The following PNPLA7 variants were observed in gnomAD, a reference collection of about 807,000 sequenced individuals.
PNPLA7 encodes the protein patatin like domain 7, lysophospholipase.
In PNPLA7, 153 loss-of-function variants were observed where a neutral mutation model predicts 161.7. That is an observed-to-expected ratio of 0.95 (90% CI 0.83 to 1.08). The LOEUF is 1.08. Among genes scored for constraint, PNPLA7 ranks in the 50% least tolerant of loss-of-function variants. The probability of loss-of-function intolerance (pLI) is 0.00; values close to 1 mark genes in which losing one functional copy is unlikely to be tolerated. For synonymous variants in PNPLA7, 809 were observed against 782.1 expected, an observed-to-expected ratio of 1.03 and a Z score of -0.57; for missense variants, 1,739 against 1,856.6, an observed-to-expected ratio of 0.94 and a Z score of 1.16.
In PNPLA7 at chr9:137,521,983, A is replaced by C. The variant is rs142105019; in HGVS notation, c.877-267T>G. On this transcript the variant is annotated intron_variant, in intron 9 of 34. Transcript: ENST00000406427. ...AATCTAAAGTTACTCCAAAGTGAGA[A>C]GTTTAATAAAAATGTAAAAATCTCT... Among the ~76,000 whole-genome samples, 338 of 152,370 alleles carry C rather than the reference A, an allele frequency of 2.2e-3. 1 individual carries two copies. The highest frequency in any genetic ancestry group is 3.9e-3 in the Non-Finnish European group (266 of 68,026).
chr9:137,545,969 C>T lies in PNPLA7; in HGVS notation c.273+861G>A, dbSNP rs554810385. ...CAGGGGAGTTCAGAGATGACTCTAC[C>T]CCTCCACCTCCTGTGGAGGGCCTGA... On this transcript the variant is annotated intron_variant, in intron 4 of 34. Coordinates refer to ENST00000406427, the MANE Select transcript of PNPLA7 (RefSeq NM_001098537.3). Among the ~76,000 whole-genome samples, 875 of 152,148 alleles carry T rather than the reference C, an allele frequency of 5.8e-3. 5 individuals are homozygous for T. The highest frequency in any genetic ancestry group is 0.034 in the Middle Eastern group (10 of 294).
intron 14 of PNPLA7, among the ~76,000 whole-genome samples, chr9:137,502,635 C>T (rs1476300987): frequency 2.7e-5 from 1 of 37,722 alleles, no homozygotes; most frequent in Admixed American, 3.5e-4. Context: ...AGAAAGCGGC[C>T]TCCCTGAGGA....
Position 137,505,858 on chromosome 9 carries a change from C to T in PNPLA7, c.1327-98G>A, listed in dbSNP as rs78496587. 2.1e-3 allele frequency: 3,218 copies of T among 1,544,594 alleles called. 60 individuals are homozygous for T. In the African/African-American group the frequency reaches 0.038, roughly 18 times the overall value. ...TCTGAATCGCACAGTGCGGAAAGGC[C>T]GGCTGAGCCTCCTGAAGCTGCAGGT... On this transcript the variant is annotated intron_variant, in intron 13 of 34. Coordinates refer to ENST00000406427, the MANE Select transcript of PNPLA7 (RefSeq NM_001098537.3).
rs1833362107 is a variant in PNPLA7 at position 137,500,828 on chromosome 9, C to T, written c.1620G>A (p.Glu540=). 2 of 1,603,340 alleles carry T rather than the reference C, an allele frequency of 1.2e-6. No individual in the cohort carries two copies. Among genetic ancestry groups the T allele is most frequent in the Non-Finnish European group, 8.5e-7 (1 of 1,176,558 alleles). ...GGCGCGTGAGGAACAAGCAGGTGTC[C>T]TCCTGGCTGCCGATCTTCCGCTGGT... The part of the protein sequence containing the change: ...HVYQRKIGSQ[E]DTCLFLTRPG... Residue 540 remains glutamate, a synonymous_variant, in exon 16 of 35, where the codon GAG becomes GAA. Transcript: ENST00000406427. The surrounding 1 kb of genome is among the most constrained non-coding windows in gnomAD (Gnocchi z 5.5).
chr9:137,534,004 C>T, intron 8 of PNPLA7, among the ~76,000 whole-genome samples: 1 of 148,516 alleles, frequency 6.7e-6, no homozygotes, highest in East Asian at 2.1e-4. Context: ...GGGAGGACTC[C>T]CAGAATCCTC....
At chr9:137,546,448 A>C (rs928281131) in intron 4 of PNPLA7, among the ~76,000 whole-genome samples, 1 of 148,480 alleles carries the variant, frequency 6.7e-6, no homozygotes, top group Non-Finnish European at 1.5e-5. Context: ...TTATTTCTAC[A>C]CTCTCTCGTC....
At chr9:137,494,723 G>GCCCTCACCAGCTCCGCA (rs1832951450) in intron 19 of PNPLA7, among the ~76,000 whole-genome samples, 1 of 142,502 alleles carries the variant, frequency 7.0e-6, no homozygotes, top group Admixed American at 7.0e-5. Flanking sequence ...CCTGCTCTGC[G>GCCCTCACCAGCTCCGCA]CCCTCACCAG....
At chr9:137,526,518 C>T (rs1351464146) in intron 8 of PNPLA7, among the ~76,000 whole-genome samples, 1 of 152,130 alleles carries the variant, frequency 6.6e-6, no homozygotes, top group African/African-American at 2.4e-5. Context: ...ACCTCATGAT[C>T]CACCCGCCTC....
At chr9:137,542,855 T>A in intron 6 of PNPLA7, 54 bp from the exon 7 acceptor site, 1 of 1,559,364 alleles carries the variant, frequency 6.4e-7, no homozygotes, top group Non-Finnish European at 8.7e-7. Flanking sequence ...GAGGACGGCC[T>A]CTCCAAGAGT....
rs552217362 is a variant in PNPLA7, at chr9:137,490,186, G to A, written c.2197+2827C>T. 2.0e-5 allele frequency among the ~76,000 whole-genome samples: 3 copies of A among 152,308 alleles called. No individual in the cohort carries two copies. The highest frequency in any genetic ancestry group is 2.1e-4 in the South Asian group (1 of 4,824). ...ATAGCTCACTGTAACCTCGAACTCC[G>A]AGGCCCAAACGATCCTCCCACCTCA... On this transcript the variant is annotated intron_variant, in intron 20 of 34. Coordinates refer to ENST00000406427, the MANE Select transcript of PNPLA7 (RefSeq NM_001098537.3). The surrounding 1 kb of genome is among the most constrained non-coding windows in gnomAD (Gnocchi z 4.1).
rs145188532 is a variant in PNPLA7 at position 137,489,501 on chromosome 9, A to T, written c.2197+3512T>A. The stretch of plus-strand genomic sequence containing the variant: ...ATGGTGACCCAGTATGCCAAGAGCA[A>T]GGAGGATCTGAACCAGAGGAGTAAA... On this transcript the variant is annotated intron_variant, in intron 20 of 34. Transcript: ENST00000406427. 1.6e-4 allele frequency among the ~76,000 whole-genome samples: 24 copies of T among 150,836 alleles called. 1 individual carries two copies. In the East Asian group the frequency reaches 4.7e-3, roughly 29 times the overall value.
In PNPLA7 at chr9:137,547,727, C is replaced by G. The variant is rs1836617582; in HGVS notation, c.31-68G>C. ...CCCAGCCCGAACTTGTTCAGAGCAG[C>G]AGGAGGAGAGCTGGGAGTTAGGGGA... On this transcript the variant is annotated intron_variant, in intron 1 of 34. Transcript: ENST00000406427. This position sits in a 1 kb window ranked among gnomAD's most constrained non-coding sequence, Gnocchi z 4.6. 6.9e-7 allele frequency: 1 copy of G among 1,448,818 alleles called. No homozygotes were observed. The allele number at this position is 1,448,818 out of a possible 1,614,324, so 89.7% of individuals were successfully genotyped here.
chr9:137,496,241 G>A (rs1833052620), intron 18 of PNPLA7, among the ~76,000 whole-genome samples: 1 of 151,416 alleles, frequency 6.6e-6, no homozygotes, highest in Non-Finnish European at 1.5e-5. Context: ...CCGAGTAGCT[G>A]GGATTACAGG....
intron 11 of PNPLA7, among the ~76,000 whole-genome samples, chr9:137,517,982 A>C (rs1412511883): frequency 3.3e-5 from 2 of 59,944 alleles, no homozygotes; most frequent in East Asian, 5.3e-4. Flanking sequence ...TCCATCCCCC[A>C]CTCACTCACT....
At chr9:137,545,996 A>G (rs536117570) in intron 4 of PNPLA7, among the ~76,000 whole-genome samples, 1 of 152,168 alleles carries the variant, frequency 6.6e-6, no homozygotes, top group East Asian at 1.9e-4. Context: ...AGGGCCTGAC[A>G]TCAGTCAGGT....
At chr9:137,532,641 C>T (rs970132454) in intron 8 of PNPLA7, among the ~76,000 whole-genome samples, 1 of 152,160 alleles carries the variant, frequency 6.6e-6, no homozygotes, top group Admixed American at 6.6e-5. Context: ...GGAAAGCTGA[C>T]ACTTGGTTTT....
Position 137,500,970 on chromosome 9 carries a change from G to A in PNPLA7, c.1552-74C>T, listed in dbSNP as rs1326445930. ...ACGGGGGCAGCTCTGGGCCCAGAGC[G>A]GACGATGCCACCAGGCTCAGCCGGG... On this transcript the variant is annotated intron_variant, in intron 15 of 34. Transcript: ENST00000406427. The surrounding 1 kb of genome is among the most constrained non-coding windows in gnomAD (Gnocchi z 5.5). The A allele has an allele frequency of 2.2e-5, 30 of 1,365,196 alleles. No homozygotes were observed. Among genetic ancestry groups the A allele is most frequent in the Admixed American group, 1.9e-4 (9 of 46,970 alleles). The allele number at this position is 1,365,196 out of a possible 1,614,324, so 84.6% of individuals were successfully genotyped here.
intron 25 of PNPLA7, among the ~76,000 whole-genome samples, chr9:137,477,260 G>A (rs1831983323): frequency 6.6e-6 from 1 of 152,266 alleles, no homozygotes; most frequent in Non-Finnish European, 1.5e-5. Flanking sequence ...AAGTTCAGGA[G>A]AAGGTGGTGT....
chr9:137,497,436 TG>T (rs1160446187), intron 17 of PNPLA7, 126 bp from the exon 18 acceptor site: 5 of 962,578 alleles, frequency 5.2e-6, no homozygotes, highest in Non-Finnish European at 5.5e-6. Context: ...ATCTTATTTT[TG>T]TTTTGGAAAA....
Sources: allele counts gnomAD v4.1 joint callset (sites outside exome capture counted in the v4.1 genomes callset), GRCh38; gene constraint gnomAD v4.1.1; non-coding constraint Gnocchi (gnomAD v3.1); transcripts MANE v1.5; gene names NCBI Gene and HGNC (gene_info 2026-07-23, HGNC 2026-07-21).